Variants in NLRP14 observed in about 807,000 individuals in gnomAD.
NLRP14 encodes the protein NLR family pyrin domain containing 14, also known as NACHT, LRR and PYD domains-containing protein 14.
Under a neutral mutation model 94.7 loss-of-function variants are expected in NLRP14, and 105 were observed. The ratio of observed to expected loss-of-function variants is 1.11; its 90% CI spans 0.95 to 1.30. The LOEUF (loss-of-function observed/expected upper bound fraction) is 1.30. Among genes scored for constraint, NLRP14 ranks in the 50% most tolerant of loss-of-function variants. NLRP14 has a pLI of 0.00. For missense variants in NLRP14, 1,362 were observed against 1,254.1 expected, an observed-to-expected ratio of 1.09 and a Z score of -1.30; for synonymous variants, 508 against 459.9, an observed-to-expected ratio of 1.10 and a Z score of -1.34.
chr11:7,045,215 T>C (rs1170618199), intron 4 of NLRP14, among the ~76,000 whole-genome samples: 2 of 152,142 alleles, frequency 1.3e-5, no homozygotes, highest in Non-Finnish European at 2.9e-5. Context: ...CCTTGGAAAA[T>C]TGTGAGTAAT....
chr11:7,065,090 G>A (rs897780301), intron 10 of NLRP14, among the ~76,000 whole-genome samples: 4 of 151,870 alleles, frequency 2.6e-5, no homozygotes, highest in Non-Finnish European at 5.9e-5. Flanking sequence ...CAAATAAATT[G>A]GAAATATCAA....
At chr11:7,022,035 G>A (rs988563731) in intron 1 of NLRP14, among the ~76,000 whole-genome samples, 4 of 152,012 alleles carry the variant, frequency 2.6e-5, no homozygotes, top group African/African-American at 4.8e-5. Flanking sequence ...AAGGGCAGAG[G>A]CCAATATGAA....
downstream of NLRP14, among the ~76,000 whole-genome samples, chr11:7,074,651 A>T (rs755178350): frequency 1.3e-5 from 2 of 152,244 alleles, no homozygotes; most frequent in Non-Finnish European, 2.9e-5. Context: ...GATGAAAACT[A>T]TTGATAATAG....
chr11:7,073,449 C>T (rs566630746), downstream of NLRP14, among the ~76,000 whole-genome samples: 24 of 152,338 alleles, frequency 1.6e-4, no homozygotes, highest in East Asian at 4.4e-3. Context: ...AATTTTCCAA[C>T]ACCAGCTGGG....
intron 10 of NLRP14, among the ~76,000 whole-genome samples, chr11:7,064,395 G>A (rs1180639286): frequency 2.0e-5 from 3 of 152,094 alleles, no homozygotes; most frequent in Non-Finnish European, 4.4e-5. Flanking sequence ...TTGCTGCTTA[G>A]ACTCCACAGA....
At position 7,039,416 on chromosome 11, in the gene NLRP14, G is replaced by A. The variant is rs886833219; in HGVS notation, c.290-298G>A. On this transcript the variant is annotated intron_variant, in intron 2 of 11. Coordinates refer to ENST00000299481, the MANE Select transcript of NLRP14 (RefSeq NM_176822.4). ...TCTATTATCTCCTTTGCACCTCACC[G>A]TATCGTAGTGAAGTCAGTATAGACA... 9.2e-5 allele frequency among the ~76,000 whole-genome samples: 14 copies of A among 151,782 alleles called. No individual in the cohort carries two copies. In the East Asian group the frequency reaches 2.3e-3, roughly 25 times the overall value.
the NLRP14 span, among the ~76,000 whole-genome samples, chr11:7,078,414 G>T: frequency 4.9e-5 from 5 of 102,132 alleles, no homozygotes; most frequent in Admixed American, 1.6e-4. Context: ...CTCCAGCCTG[G>T]ACGAAAGAGC....
chr11:7,089,210 G>A, the NLRP14 span: 2 of 1,613,632 alleles, frequency 1.2e-6, no homozygotes, highest in Non-Finnish European at 1.7e-6. Context: ...AGTTTGGCAA[G>A]TATGGCCGCA....
At position 7,038,727 on chromosome 11, in the gene NLRP14, G is replaced by T. The variant is rs766087387; in HGVS notation, c.141G>T (p.Trp47Cys). 6.2e-7 allele frequency: 1 copy of T among 1,614,108 alleles called. No individual in the cohort carries two copies. Among genetic ancestry groups the T allele is most frequent in the South Asian group, 1.1e-5 (1 of 91,072 alleles). ...AACCTGAGCATGGCCTGACACCCTG[G>T]AATGAAGTGAAGAAGGCCAGGCGGG... ...TMEPEHGLTP[W>C]NEVKKARRED... The change falls in exon 2 of 12, where the codon TGG becomes TGT. Residue 47 changes from tryptophan (W) to cysteine (C), a missense_variant. Transcript: ENST00000299481.
downstream of NLRP14, among the ~76,000 whole-genome samples, chr11:7,071,647 A>G (rs368673162): frequency 8.8e-5 from 13 of 148,314 alleles, no homozygotes; most frequent in African/African-American, 3.2e-4. Flanking sequence ...CCTTACTTCC[A>G]CTGACATGGC....
At chr11:7,072,938 G>A (rs1292703499), downstream of NLRP14, among the ~76,000 whole-genome samples, 2 of 151,934 alleles carry the variant, frequency 1.3e-5, no homozygotes, top group Non-Finnish European at 2.9e-5. Context: ...CCCTTGTCCT[G>A]TTCATTATCT....
chr11:7,052,776 G>C (rs1405670751), intron 6 of NLRP14, among the ~76,000 whole-genome samples: 1 of 152,160 alleles, frequency 6.6e-6, no homozygotes, highest in Non-Finnish European at 1.5e-5. Context: ...TGCTTCTTCA[G>C]GAGTGAGGAA....
At chr11:7,080,907 GA>G in the NLRP14 span, among the ~76,000 whole-genome samples, 4 of 152,186 alleles carry the variant, frequency 2.6e-5, no homozygotes, top group African/African-American at 9.7e-5. Flanking sequence ...GTTTTAGGGT[GA>G]GGGGGCTTAT....
intron 6 of NLRP14, among the ~76,000 whole-genome samples, chr11:7,054,886 T>C (rs1162925567): frequency 6.6e-6 from 1 of 152,166 alleles, no homozygotes; most frequent in Non-Finnish European, 1.5e-5. Flanking sequence ...CCCAGTCCAA[T>C]GTCCTGGAGC....
intron 1 of NLRP14, among the ~76,000 whole-genome samples, chr11:7,031,668 C>T (rs576639075): frequency 4.4e-4 from 67 of 152,302 alleles, no homozygotes; most frequent in Non-Finnish European, 8.1e-4. Context: ...GCCTCTCTAA[C>T]CAGGAGCAGG....
Position 7,050,078 on chromosome 11 carries a change from C to A in NLRP14, c.2291+240C>A, listed in dbSNP as rs557905243. 4.1e-4 allele frequency among the ~76,000 whole-genome samples: 62 copies of A among 151,544 alleles called. 1 individual carries two copies. The South Asian group carries it at 0.012, about 30-fold the overall frequency. On this transcript the variant is annotated intron_variant, in intron 6 of 11. Transcript: ENST00000299481. ...TTCTCTGTGTCTCCATCTCCTAAAT[C>A]TGCTGGTGGTGGGAATAAGAGCAGA...
At chr11:7,080,390 T>C in the NLRP14 span, among the ~76,000 whole-genome samples, 4 of 152,218 alleles carry the variant, frequency 2.6e-5, no homozygotes, top group Non-Finnish European at 2.9e-5. Context: ...TACGATGCCC[T>C]CAGATTCAAT....
At chr11:7,064,639 A>C (rs1011156212) in intron 10 of NLRP14, among the ~76,000 whole-genome samples, 4 of 152,120 alleles carry the variant, frequency 2.6e-5, no homozygotes, top group Non-Finnish European at 4.4e-5. Context: ...GGAATCATAC[A>C]AATGGGAGAG....
At position 7,064,902 on chromosome 11, in the gene NLRP14, A is replaced by C. The variant is rs1004204388; in HGVS notation, c.2975+2399A>C. ...CATCTTTGTTATAAACCACATTTTCATTGGTGCGTGGATCTGTTCCTGGGT... is the reference window on the plus strand; with the variant it reads ...CATCTTTGTTATAAACCACATTTTCCTTGGTGCGTGGATCTGTTCCTGGGT... On this transcript the variant is annotated intron_variant, in intron 10 of 11. Transcript: ENST00000299481. Among the ~76,000 whole-genome samples, 69 of 151,624 alleles carry C rather than the reference A, an allele frequency of 4.6e-4. 1 individual carries two copies. The highest frequency in any genetic ancestry group is 1.5e-3 in the African/African-American group (62 of 41,340).
Sources: allele counts gnomAD v4.1 joint callset (sites outside exome capture counted in the v4.1 genomes callset), GRCh38; gene constraint gnomAD v4.1.1; transcripts MANE v1.5; gene names NCBI Gene and HGNC (gene_info 2026-07-23, HGNC 2026-07-21).